The following GLCE variants were observed in gnomAD, a reference collection of about 807,000 sequenced individuals.
GLCE encodes the protein D-glucuronyl C5-epimerase.
In GLCE, 19 loss-of-function variants were observed where a neutral mutation model predicts 47.9. That is an observed-to-expected ratio of 0.40 (90% CI 0.28 to 0.58). GLCE has a LOEUF of 0.58. Among genes scored for constraint, GLCE ranks in the 20% least tolerant of loss-of-function variants. The pLI, the probability that GLCE is intolerant of heterozygous loss-of-function variation, is 0.48. For synonymous variants in GLCE, 245 were observed against 263.4 expected (o/e 0.93, Z 0.68); for missense variants, 556 against 743.3 (o/e 0.75, Z 2.93).
chr15:69,237,214 C>T (rs2052604646), intron 2 of GLCE, among the ~76,000 whole-genome samples: 2 of 152,020 alleles, frequency 1.3e-5, no homozygotes, highest in Non-Finnish European at 2.9e-5. Flanking sequence ...ATCATTTTTT[C>T]TGATATCATG....
At chr15:69,169,724 C>T (rs1214855506) in intron 1 of GLCE, among the ~76,000 whole-genome samples, 1 of 152,168 alleles carries the variant, frequency 6.6e-6, no homozygotes, top group Non-Finnish European at 1.5e-5. Flanking sequence ...GACATGAACT[C>T]ATCCTTTTTT....
chr15:69,262,468 C>T (rs1369046127), intron 4 of GLCE, among the ~76,000 whole-genome samples: 2 of 152,134 alleles, frequency 1.3e-5, no homozygotes, highest in Non-Finnish European at 2.9e-5. Flanking sequence ...TGGGTGCACT[C>T]AAGAAACTTA....
intron 1 of GLCE, among the ~76,000 whole-genome samples, chr15:69,186,423 T>G (rs192999815): frequency 2.0e-5 from 3 of 152,206 alleles, no homozygotes; most frequent in African/African-American, 7.2e-5. Context: ...ATATGTATCA[T>G]AATGCTGCAG....
chr15:69,171,294 G>A (rs2051584237), intron 1 of GLCE, among the ~76,000 whole-genome samples: 1 of 151,940 alleles, frequency 6.6e-6, no homozygotes, highest in Non-Finnish European at 1.5e-5. Flanking sequence ...TGACTTGAAT[G>A]TCACTGTTAA....
intron 3 of GLCE, among the ~76,000 whole-genome samples, chr15:69,257,671 G>A (rs527894359): frequency 4.6e-5 from 7 of 152,182 alleles, no homozygotes; most frequent in African/African-American, 1.4e-4. Context: ...GTTTAGAAGA[G>A]AGAAGTGACC....
chr15:69,230,215 A>G (rs1017275924), intron 2 of GLCE, among the ~76,000 whole-genome samples: 1 of 149,444 alleles, frequency 6.7e-6, no homozygotes, highest in African/African-American at 2.4e-5. Context: ...CTCGATTTAA[A>G]AAAAAAAAAA....
At chr15:69,231,076 T>C (rs566111028) in intron 2 of GLCE, among the ~76,000 whole-genome samples, 1 of 152,264 alleles carries the variant, frequency 6.6e-6, no homozygotes, top group Non-Finnish European at 1.5e-5. Flanking sequence ...GAAAGTAAAG[T>C]TTTGAAAAAG....
intron 2 of GLCE, among the ~76,000 whole-genome samples, chr15:69,232,379 A>G (rs2899748): frequency 0.51 from 78,176 of 151,930 alleles, 23,521 homozygotes; most frequent in Admixed American, 0.66. Context: ...GTGTTATATT[A>G]CGAAATGTCT....
chr15:69,227,257 G>C (rs1595767150), intron 2 of GLCE, among the ~76,000 whole-genome samples: 1 of 152,258 alleles, frequency 6.6e-6, no homozygotes. Context: ...AGGCCTAGTA[G>C]ATTATCCTGA....
At chr15:69,194,840 G>A (rs998592859) in intron 1 of GLCE, among the ~76,000 whole-genome samples, 2 of 152,012 alleles carry the variant, frequency 1.3e-5, no homozygotes, top group Admixed American at 1.3e-4. Context: ...TGTACCATCT[G>A]CAAAGCACTT....
intron 1 of GLCE, among the ~76,000 whole-genome samples, chr15:69,171,973 A>G (rs1287385039): frequency 6.6e-6 from 1 of 152,174 alleles, no homozygotes; most frequent in African/African-American, 2.4e-5. Flanking sequence ...AAAAATGTTC[A>G]ATTTTGAAAT....
intron 1 of GLCE, chr15:69,197,111 C>A (rs913044418): frequency 2.8e-6 from 1 of 352,574 alleles, no homozygotes; most frequent in Non-Finnish European, 5.7e-6. Context: ...ACGCCTGCAG[C>A]CAGCATTGAT....
At chr15:69,182,611 A>T (rs2051766906) in intron 1 of GLCE, among the ~76,000 whole-genome samples, 1 of 152,142 alleles carries the variant, frequency 6.6e-6, no homozygotes, top group Non-Finnish European at 1.5e-5. Flanking sequence ...AGGTAAAAGG[A>T]AGTGCAGAAG....
At chr15:69,206,727 C>T (rs2052157559) in intron 1 of GLCE, among the ~76,000 whole-genome samples, 1 of 151,894 alleles carries the variant, frequency 6.6e-6, no homozygotes, top group African/African-American at 2.4e-5. Flanking sequence ...CTGCCCTACC[C>T]CTAGAATCAG....
chr15:69,173,696 A>T (rs965050458), intron 1 of GLCE, among the ~76,000 whole-genome samples: 7 of 152,136 alleles, frequency 4.6e-5, no homozygotes, highest in South Asian at 2.1e-4. Flanking sequence ...AAAATTTTTA[A>T]AAATTTTCTT....
At chr15:69,264,362 A>ATGTGTGTGTGTATACACACATG (rs1555408272) in intron 4 of GLCE, among the ~76,000 whole-genome samples, 1 of 152,012 alleles carries the variant, frequency 6.6e-6, no homozygotes, top group South Asian at 2.1e-4. Flanking sequence ...TTCTATAGGT[A>ATGTGTGTGTGTATACACACATG]TGTGTGTGTG....
intron 4 of GLCE, among the ~76,000 whole-genome samples, chr15:69,263,084 A>G (rs1595791017): frequency 6.6e-6 from 1 of 152,154 alleles, no homozygotes; most frequent in Non-Finnish European, 1.5e-5. Context: ...CACTTGTGGC[A>G]TCATGTTAGC....
intron 2 of GLCE, among the ~76,000 whole-genome samples, chr15:69,212,442 A>G (rs537311790): frequency 6.6e-6 from 1 of 152,138 alleles, no homozygotes; most frequent in African/African-American, 2.4e-5. Flanking sequence ...TTCTAACAGC[A>G]TAAAATATTT....
intron 1 of GLCE, chr15:69,194,388 T>G (rs1266031692): frequency 6.6e-6 from 1 of 152,196 alleles, no homozygotes; most frequent in Non-Finnish European, 1.5e-5. Context: ...TGCCTTAGAG[T>G]GTTCTTGCAG....
Sources: allele counts gnomAD v4.1 joint callset (sites outside exome capture counted in the v4.1 genomes callset), GRCh38; gene constraint gnomAD v4.1.1; transcripts MANE v1.5; gene names NCBI Gene and HGNC (gene_info 2026-07-23, HGNC 2026-07-21).